LANCL2: variants seen among roughly 807,000 people sequenced by gnomAD.
LANCL2 encodes the protein LanC like glutathione S-transferase 2.
Under a neutral mutation model 56.9 loss-of-function variants are expected in LANCL2, and 33 were observed. The observed-to-expected ratio is 0.58, with a 90% CI of 0.44 to 0.78. The LOEUF (loss-of-function observed/expected upper bound fraction) is 0.78. Ranked by LOEUF, LANCL2 falls within the 30% of genes least tolerant of loss-of-function variation. The pLI, the probability that LANCL2 is intolerant of heterozygous loss-of-function variation, is 0.00. For missense variants in LANCL2, 562 were observed against 580.2 expected, an observed-to-expected ratio of 0.97 and a Z score of 0.32; for synonymous variants, 233 against 228.2, an observed-to-expected ratio of 1.02 and a Z score of -0.19.
chr7:55,394,643 T>C (rs1790228785), intron 2 of LANCL2, among the ~76,000 whole-genome samples: 3 of 152,134 alleles, frequency 2.0e-5, no homozygotes, highest in Non-Finnish European at 2.9e-5. Flanking sequence ...ACAAGTCATG[T>C]TGGGTAAAAA....
intron 1 of LANCL2, among the ~76,000 whole-genome samples, chr7:55,366,774 T>G (rs1480492201): frequency 3.3e-5 from 5 of 152,072 alleles, no homozygotes; most frequent in Non-Finnish European, 5.9e-5. Context: ...TAAAACAGAT[T>G]AACAACAGAA....
At chr7:55,377,900 G>GT (rs1562857045) in intron 1 of LANCL2, among the ~76,000 whole-genome samples, 1 of 152,194 alleles carries the variant, frequency 6.6e-6, no homozygotes, top group East Asian at 1.9e-4. Flanking sequence ...AGTGAAGGCT[G>GT]TAAGTCCTGA....
chr7:55,406,185 T>C (rs1333758496), intron 5 of LANCL2, among the ~76,000 whole-genome samples: 1 of 152,182 alleles, frequency 6.6e-6, no homozygotes, highest in African/African-American at 2.4e-5. Flanking sequence ...AGACTTGGAC[T>C]TCGTGCTCCT....
chr7:55,365,954 G>A lies in LANCL2; in HGVS notation c.-72G>A. On this transcript the variant is annotated 5_prime_UTR_variant, in exon 1 of 9. Coordinates refer to ENST00000254770, the MANE Select transcript of LANCL2 (RefSeq NM_018697.4). ...GCTCTCTGCGCGGGCCCTCGGAGGA[G>A]GCGGCGGCGGGGCGAGCTGCAGCGC... The A allele has an allele frequency of 8.2e-7, 1 of 1,224,480 alleles. No homozygotes were observed. The highest frequency in any genetic ancestry group is 3.1e-5 in the East Asian group (1 of 32,008). The allele number at this position is 1,224,480 out of a possible 1,614,324, so 75.9% of individuals were successfully genotyped here.
Position 55,432,066 on chromosome 7 carries a change from C to T in LANCL2, c.*746C>T, listed in dbSNP as rs116738704. ...ACCCAAAGGGAGCTTTCCCAAGAAG[C>T]CTTTGATGGCCACACTGTAGGCAGC... On this transcript the variant is annotated 3_prime_UTR_variant, in exon 9 of 9. Coordinates refer to ENST00000254770, the MANE Select transcript of LANCL2 (RefSeq NM_018697.4). The T allele has an allele frequency of 1.3e-5, 2 of 152,214 alleles. No individual in the cohort carries two copies. Among genetic ancestry groups the T allele is most frequent in the African/African-American group, 4.8e-5 (2 of 41,448 alleles). 9.4% of individuals were successfully genotyped at this position (152,214 alleles called of 1,614,324 possible).
At chr7:55,370,824 A>T (rs924494005) in intron 1 of LANCL2, among the ~76,000 whole-genome samples, 1 of 152,138 alleles carries the variant, frequency 6.6e-6, no homozygotes, top group Admixed American at 6.5e-5. Context: ...GGCACTGGGG[A>T]GTATTGAGGC....
chr7:55,379,467 T>C (rs1447216818), intron 1 of LANCL2, among the ~76,000 whole-genome samples: 4 of 152,180 alleles, frequency 2.6e-5, no homozygotes, highest in African/African-American at 7.2e-5. Context: ...AAGTGTCTCT[T>C]CTGGGGCTGG....
chr7:55,425,556 T>G, intron 7 of LANCL2, 126 bp downstream of exon 7: 1 of 847,002 alleles, frequency 1.2e-6, no homozygotes, highest in Non-Finnish European at 1.8e-6. Flanking sequence ...TTCCTCTTTT[T>G]CTTCTGGCAC....
intron 6 of LANCL2, among the ~76,000 whole-genome samples, chr7:55,419,555 C>A (rs1289197046): frequency 6.6e-6 from 1 of 151,846 alleles, no homozygotes; most frequent in Non-Finnish European, 1.5e-5. Context: ...ACACGAGGTA[C>A]CACGCCTGAC....
intron 1 of LANCL2, among the ~76,000 whole-genome samples, chr7:55,386,003 G>A (rs1194680778): frequency 2.6e-5 from 4 of 152,220 alleles, no homozygotes; most frequent in Non-Finnish European, 5.9e-5. Context: ...GAAGAGAAAT[G>A]TGGCTCTGTT....
In LANCL2 at chr7:55,366,249, G is replaced by A. The variant is rs768301130; in HGVS notation, c.204+20G>A. On this transcript the variant is annotated intron_variant, in intron 1 of 8. Coordinates refer to ENST00000254770, the MANE Select transcript of LANCL2 (RefSeq NM_018697.4). Reference sequence around the variant, plus strand: ...GGGAAGGTGAGTCGGCGGCCTGGCCGCAGAGGCGCCGGAGGGGGAGCGCGG... The same window carrying A: ...GGGAAGGTGAGTCGGCGGCCTGGCCACAGAGGCGCCGGAGGGGGAGCGCGG... The A allele has an allele frequency of 8.9e-6, 13 of 1,466,322 alleles. No homozygotes were observed. The East Asian group carries it at 2.2e-4, about 24-fold the overall frequency. 90.8% of individuals were successfully genotyped at this position (1,466,322 alleles called of 1,614,324 possible).
intron 2 of LANCL2, among the ~76,000 whole-genome samples, chr7:55,395,892 A>G (rs1163692815): frequency 6.6e-6 from 1 of 152,240 alleles, no homozygotes; most frequent in Non-Finnish European, 1.5e-5. Flanking sequence ...GTGCAGATAT[A>G]GAGGTGCTCA....
chr7:55,395,811 G>A (rs1317915333), intron 2 of LANCL2, among the ~76,000 whole-genome samples: 7 of 152,292 alleles, frequency 4.6e-5, no homozygotes, highest in East Asian at 1.9e-4. Flanking sequence ...GGTGGATGCC[G>A]AGAATTACAG....
At chr7:55,373,829 G>GTAAT (rs1789972413) in intron 1 of LANCL2, among the ~76,000 whole-genome samples, 1 of 152,322 alleles carries the variant, frequency 6.6e-6, no homozygotes, top group Non-Finnish European at 1.5e-5. Flanking sequence ...CAAGAACTAT[G>GTAAT]TAATATGCTT....
intron 5 of LANCL2, 139 bp downstream of exon 5, chr7:55,401,459 A>G (rs1262105400): frequency 1.2e-5 from 5 of 400,608 alleles, no homozygotes; most frequent in Admixed American, 3.9e-5. Flanking sequence ...CACATAAACC[A>G]CAGGCAGTGG....
At position 55,433,611 on chromosome 7, in the gene LANCL2, T is replaced by C. The variant is rs779843785; in HGVS notation, c.*2291T>C. The C allele has an allele frequency of 6.6e-6, 1 of 152,264 alleles. No homozygotes were observed. Among genetic ancestry groups the C allele is most frequent in the African/African-American group, 2.4e-5 (1 of 41,472 alleles). 9.4% of individuals were successfully genotyped at this position (152,264 alleles called of 1,614,324 possible). On this transcript the variant is annotated 3_prime_UTR_variant, in exon 9 of 9. Coordinates refer to ENST00000254770, the MANE Select transcript of LANCL2 (RefSeq NM_018697.4). Reference sequence around the variant, plus strand: ...ACAATTGTGTTCTCTAAAATGTGTCTAAATTTTAAAAATATGTACATGCAT... The same window carrying C: ...ACAATTGTGTTCTCTAAAATGTGTCCAAATTTTAAAAATATGTACATGCAT...
chr7:55,400,206 CT>C (rs1790305181), intron 4 of LANCL2, 102 bp downstream of exon 4: 4 of 1,042,416 alleles, frequency 3.8e-6, no homozygotes, highest in Non-Finnish European at 3.9e-6. Flanking sequence ...GGTAGCATTA[CT>C]TTTTTAAAGC....
intron 1 of LANCL2, among the ~76,000 whole-genome samples, chr7:55,390,505 C>G (rs1379423004): frequency 2.0e-5 from 3 of 152,164 alleles, no homozygotes; most frequent in Admixed American, 6.5e-5. Flanking sequence ...ACTCAGGAGG[C>G]TGAGGCAGGA....
At chr7:55,402,733 C>T (rs1184522608) in intron 5 of LANCL2, among the ~76,000 whole-genome samples, 8 of 126,532 alleles carry the variant, frequency 6.3e-5, no homozygotes, top group Admixed American at 5.7e-4. Context: ...GGGGTGGCTG[C>T]CGGGCGGAGA....
Sources: allele counts gnomAD v4.1 joint callset (sites outside exome capture counted in the v4.1 genomes callset), GRCh38; gene constraint gnomAD v4.1.1; transcripts MANE v1.5; gene names NCBI Gene and HGNC (gene_info 2026-07-23, HGNC 2026-07-21).